Variants in AP3S1 observed in about 807,000 individuals in gnomAD.
The protein encoded by AP3S1 is AP-3 complex subunit sigma-1.
AP3S1 carries 12 observed loss-of-function variants against 21.3 expected under a neutral mutation model. That is an observed-to-expected ratio of 0.56 (90% CI 0.36 to 0.91). AP3S1 has a LOEUF of 0.91. AP3S1 is among the 40% of genes least tolerant of loss of function. AP3S1 has a pLI of 0.01. For missense variants in AP3S1, 116 were observed against 225.0 expected (o/e 0.52, Z 3.10); for synonymous variants, 48 against 78.4 (o/e 0.61, Z 2.05).
intron 4 of AP3S1, among the ~76,000 whole-genome samples, chr5:115,898,480 C>T (rs1750947837): frequency 2.0e-5 from 3 of 152,208 alleles, no homozygotes; most frequent in Admixed American, 1.3e-4. Context: ...AACAATGTCA[C>T]AGGTGCCCCA....
chr5:115,873,220 G>C (rs1353481105), intron 3 of AP3S1, among the ~76,000 whole-genome samples: 2 of 152,052 alleles, frequency 1.3e-5, no homozygotes, highest in African/African-American at 4.8e-5. Context: ...GATTAGATGG[G>C]GAGTTTTCAA....
At chr5:115,869,098 A>G (rs978422854) in intron 2 of AP3S1, among the ~76,000 whole-genome samples, 43 of 152,160 alleles carry the variant, frequency 2.8e-4, no homozygotes, top group Non-Finnish European at 5.6e-4. Flanking sequence ...AGGTGAATTC[A>G]TTATTGTAAA....
chr5:115,878,752 A>G (rs1230700261), intron 3 of AP3S1, among the ~76,000 whole-genome samples: 1 of 152,188 alleles, frequency 6.6e-6, no homozygotes, highest in Non-Finnish European at 1.5e-5. Context: ...TGGTAGCTTG[A>G]TGGGGATAAC....
rs752281987 is a variant in AP3S1, at chr5:115,866,669, G to C, written c.70-1G>C. On this transcript the variant is annotated splice_acceptor_variant, in intron 1 of 5. Coordinates refer to ENST00000316788, the MANE Select transcript of AP3S1 (RefSeq NM_001284.4). LOFTEE classifies it high-confidence loss of function. The stretch of plus-strand genomic sequence containing the variant: ...AATATATATGAATTATTCTTCCTCA[G>C]AGTGAAGATACACAACAGCAAATCA... The C allele has an allele frequency of 1.9e-6, 3 of 1,582,426 alleles. No individual in the cohort carries two copies. In the African/African-American group the frequency reaches 4.1e-5, roughly 21 times the overall value.
chr5:115,911,451 A>G (rs1427614013), intron 5 of AP3S1, among the ~76,000 whole-genome samples: 1 of 152,100 alleles, frequency 6.6e-6, no homozygotes, highest in Non-Finnish European at 1.5e-5. Flanking sequence ...TCAGTTCATT[A>G]TTTGTCTTCT....
At chr5:115,887,453 A>G (rs574648890) in intron 3 of AP3S1, among the ~76,000 whole-genome samples, 1 of 147,512 alleles carries the variant, frequency 6.8e-6, no homozygotes, top group Non-Finnish European at 1.5e-5. Flanking sequence ...CCAGAAACCA[A>G]TTTTTTTTTT....
intron 4 of AP3S1, among the ~76,000 whole-genome samples, chr5:115,900,755 C>A (rs1452430389): frequency 6.6e-6 from 1 of 152,136 alleles, no homozygotes; most frequent in Non-Finnish European, 1.5e-5. Context: ...CTCATTGTTA[C>A]TGGGGTGACA....
intron 3 of AP3S1, among the ~76,000 whole-genome samples, chr5:115,880,526 A>C (rs758609864): frequency 6.6e-6 from 1 of 152,180 alleles, no homozygotes; most frequent in Non-Finnish European, 1.5e-5. Flanking sequence ...GAGTTTCTTA[A>C]TCCTGAGTTC....
At chr5:115,881,117 A>T (rs1385748226) in intron 3 of AP3S1, among the ~76,000 whole-genome samples, 7 of 151,914 alleles carry the variant, frequency 4.6e-5, no homozygotes, top group Non-Finnish European at 1.0e-4. Context: ...GGGTCTTCTG[A>T]ATACAGCACA....
At chr5:115,872,324 G>A (rs1342707436) in intron 3 of AP3S1, among the ~76,000 whole-genome samples, 1 of 151,994 alleles carries the variant, frequency 6.6e-6, no homozygotes, top group Non-Finnish European at 1.5e-5. Flanking sequence ...AATAAAAAAG[G>A]AGATAAATGA....
chr5:115,889,817 A>T (rs1750127986), intron 3 of AP3S1, among the ~76,000 whole-genome samples: 1 of 152,214 alleles, frequency 6.6e-6, no homozygotes, highest in Middle Eastern at 3.2e-3. Context: ...CTTTAAAAAA[A>T]AATGATAAAA....
At chr5:115,906,058 T>G (rs1289840034) in intron 5 of AP3S1, among the ~76,000 whole-genome samples, 3 of 152,176 alleles carry the variant, frequency 2.0e-5, no homozygotes, top group Admixed American at 1.3e-4. Flanking sequence ...CTCTGGAGCC[T>G]GACGCGCAAG....
At chr5:115,867,966 A>G (rs1374080575) in intron 2 of AP3S1, among the ~76,000 whole-genome samples, 1 of 152,176 alleles carries the variant, frequency 6.6e-6, no homozygotes, top group African/African-American at 2.4e-5. Flanking sequence ...CCTCACATCT[A>G]GTTTAATCCT....
intron 1 of AP3S1, among the ~76,000 whole-genome samples, chr5:115,857,784 C>T (rs1253398968): frequency 6.6e-6 from 1 of 152,042 alleles, no homozygotes; most frequent in Non-Finnish European, 1.5e-5. Flanking sequence ...ATTCCCAGTC[C>T]CCTCATAGTT....
intron 5 of AP3S1, among the ~76,000 whole-genome samples, chr5:115,912,983 C>T (rs766843640): frequency 6.6e-6 from 1 of 152,114 alleles, no homozygotes; most frequent in African/African-American, 2.4e-5. Flanking sequence ...AAAAGAAAAT[C>T]TATCACAATC....
intron 3 of AP3S1, 73 bp from the exon 4 acceptor site, chr5:115,895,014 A>G: frequency 1.0e-6 from 1 of 982,430 alleles, no homozygotes. Flanking sequence ...CATAATTAAG[A>G]ATTGCCTTCC....
chr5:115,866,182 A>T lies in AP3S1; in HGVS notation c.70-488A>T, dbSNP rs115824856. 3.1e-3 allele frequency among the ~76,000 whole-genome samples: 477 copies of T among 152,370 alleles called. 1 individual carries two copies. Among genetic ancestry groups the T allele is most frequent in the African/African-American group, 0.011 (442 of 41,586 alleles). ...CCAATCCTTGGCTTTAGATCGGCTT[A>T]TATAAAGATGAGTAAGATGGATGGA... On this transcript the variant is annotated intron_variant, in intron 1 of 5. Transcript: ENST00000316788.
chr5:115,907,250 G>GT (rs1249190330), intron 5 of AP3S1, among the ~76,000 whole-genome samples: 3 of 151,752 alleles, frequency 2.0e-5, no homozygotes, highest in Admixed American at 6.6e-5. Context: ...TCACAGATTT[G>GT]TTTTTTTTCC....
chr5:115,861,547 AAG>A (rs1218695095), intron 1 of AP3S1, among the ~76,000 whole-genome samples: 4 of 152,186 alleles, frequency 2.6e-5, no homozygotes, highest in Admixed American at 2.0e-4. Flanking sequence ...GGATTTTAAA[AAG>A]TTATTATTAA....
Sources: gnomAD v4.1 joint callset for allele counts (sites outside exome capture counted in the v4.1 genomes callset) on GRCh38, gnomAD v4.1.1 for gene constraint, MANE v1.5 for transcripts, NCBI Gene and HGNC (gene_info 2026-07-23, HGNC 2026-07-21) for gene names.